The following CTNNA2 variants were observed in gnomAD, a reference collection of about 807,000 sequenced individuals.
The protein encoded by CTNNA2 is catenin alpha-2.
Under a neutral mutation model 101.0 loss-of-function variants are expected in CTNNA2, and 42 were observed. The ratio of observed to expected loss-of-function variants is 0.42; its 90% CI spans 0.32 to 0.54. CTNNA2 has a LOEUF of 0.54. CTNNA2 is among the 20% of genes least tolerant of loss of function. The pLI, the probability that CTNNA2 is intolerant of heterozygous loss-of-function variation, is 0.14. For synonymous variants in CTNNA2, 450 were observed against 456.4 expected (o/e 0.99, Z 0.18); for missense variants, 871 against 1,223.1 (o/e 0.71, Z 4.29).
chr2:79,656,783 G>A (rs1681641008), intron 2 of CTNNA2, among the ~76,000 whole-genome samples: 1 of 151,814 alleles, frequency 6.6e-6, no homozygotes, highest in Non-Finnish European at 1.5e-5. Context: ...GTCACATTCT[G>A]TATTAAGAAG....
At chr2:80,088,389 T>C (rs1699578806) in intron 7 of CTNNA2, among the ~76,000 whole-genome samples, 1 of 152,050 alleles carries the variant, frequency 6.6e-6, no homozygotes, top group Non-Finnish European at 1.5e-5. Context: ...ACCTCACTGC[T>C]ACCCTTCCTG....
chr2:80,272,999 A>ATAAAGAT (rs1254640160), intron 7 of CTNNA2, among the ~76,000 whole-genome samples: 1 of 152,168 alleles, frequency 6.6e-6, no homozygotes, highest in African/African-American at 2.4e-5. Context: ...AAGGTGGTTT[A>ATAAAGAT]TAAAGATTAT....
chr2:79,857,409 C>G (rs1471289404), intron 3 of CTNNA2, among the ~76,000 whole-genome samples: 1 of 152,212 alleles, frequency 6.6e-6, no homozygotes, highest in African/African-American at 2.4e-5. Context: ...GAGCCTAGTA[C>G]AGAATCTGAC....
chr2:79,350,386 T>G (rs767344209), intron 3 of CTNNA2, among the ~76,000 whole-genome samples: 26 of 152,296 alleles, frequency 1.7e-4, no homozygotes, highest in Admixed American at 4.6e-4. Flanking sequence ...ACATGTGGAA[T>G]TTGATTTTCT....
chr2:80,290,948 C>T (rs1230686727), intron 7 of CTNNA2, among the ~76,000 whole-genome samples: 1 of 152,212 alleles, frequency 6.6e-6, no homozygotes, highest in East Asian at 1.9e-4. Flanking sequence ...CTCTAGCATT[C>T]CCTGCTAGTA....
chr2:79,336,078 A>G (rs974766527), intron 3 of CTNNA2, among the ~76,000 whole-genome samples: 8 of 152,350 alleles, frequency 5.3e-5, no homozygotes, highest in African/African-American at 1.9e-4. Flanking sequence ...TGAGCAAACT[A>G]TGCTTTTTCT....
intron 7 of CTNNA2, among the ~76,000 whole-genome samples, chr2:79,918,065 A>G (rs1360313355): frequency 6.6e-6 from 1 of 151,506 alleles, no homozygotes; most frequent in Non-Finnish European, 1.5e-5. Flanking sequence ...TGACAACTCC[A>G]GGAGCTCCCT....
intron 1 of CTNNA2, among the ~76,000 whole-genome samples, chr2:79,551,032 G>A (rs1364501754): frequency 6.6e-6 from 1 of 152,168 alleles, no homozygotes; most frequent in East Asian, 1.9e-4. Context: ...AATTATTACT[G>A]TAGGAAGTGA....
chr2:79,525,339 G>T (rs1456402433), intron 1 of CTNNA2, among the ~76,000 whole-genome samples: 8 of 151,940 alleles, frequency 5.3e-5, no homozygotes, highest in Non-Finnish European at 1.5e-5. Context: ...CACGAAAATG[G>T]TTATTTTGAA....
At chr2:79,235,376 G>C (rs1028038253) in intron 2 of CTNNA2, among the ~76,000 whole-genome samples, 1 of 152,154 alleles carries the variant, frequency 6.6e-6, no homozygotes, top group African/African-American at 2.4e-5. Flanking sequence ...TTACTCTGCT[G>C]CATGGCTCTT....
intron 3 of CTNNA2, among the ~76,000 whole-genome samples, chr2:79,813,063 C>T (rs572212139): frequency 1.7e-4 from 26 of 152,230 alleles, no homozygotes; most frequent in African/African-American, 5.8e-4. Flanking sequence ...TGACAGTTTT[C>T]CCATAGATGA....
At chr2:80,440,309 G>A (rs1353959825) in intron 9 of CTNNA2, among the ~76,000 whole-genome samples, 4 of 152,084 alleles carry the variant, frequency 2.6e-5, no homozygotes, top group East Asian at 1.9e-4. Context: ...CATTGGCCTG[G>A]ACTTCTAAAA....
rs1327660877 is a variant in CTNNA2 at position 80,178,466 on chromosome 2, G to A, written c.1057-214745G>A. Among the ~76,000 whole-genome samples the A allele has an allele frequency of 4.6e-5, 7 of 152,306 alleles. No individual in the cohort carries two copies. The East Asian group carries it at 1.2e-3, about 25-fold the overall frequency. On this transcript the variant is annotated intron_variant, in intron 7 of 18. Coordinates refer to ENST00000402739, the MANE Select transcript of CTNNA2 (RefSeq NM_001282597.3). ...TTCCAAAATCCTAGAGGCCTCTGCT[G>A]TGATTCACCTATGGGGGCCTGCCAA...
intron 7 of CTNNA2, among the ~76,000 whole-genome samples, chr2:80,010,590 C>T (rs1693709501): frequency 6.6e-6 from 1 of 152,080 alleles, no homozygotes; most frequent in African/African-American, 2.4e-5. Flanking sequence ...AGGTGTGAGC[C>T]ATGTGCCCAG....
At chr2:80,171,719 A>G (rs1341923360) in intron 7 of CTNNA2, among the ~76,000 whole-genome samples, 1 of 152,172 alleles carries the variant, frequency 6.6e-6, no homozygotes, top group East Asian at 1.9e-4. Context: ...TGATGCTGAA[A>G]TTGCACACAT....
chr2:79,406,638 G>A (rs967891518), intron 4 of CTNNA2, among the ~76,000 whole-genome samples: 1 of 151,948 alleles, frequency 6.6e-6, no homozygotes, highest in East Asian at 1.9e-4. Context: ...AGGAGTTAAA[G>A]GTGCTTATCC....
chr2:79,701,084 G>C (rs1684971313), intron 2 of CTNNA2, among the ~76,000 whole-genome samples: 1 of 152,120 alleles, frequency 6.6e-6, no homozygotes, highest in Non-Finnish European at 1.5e-5. Flanking sequence ...TGAGAATAGA[G>C]TCCTTTTTGG....
At chr2:79,361,092 T>A (rs1265710504) in intron 3 of CTNNA2, among the ~76,000 whole-genome samples, 1 of 152,200 alleles carries the variant, frequency 6.6e-6, no homozygotes, top group Non-Finnish European at 1.5e-5. Flanking sequence ...TCTGCTTAAC[T>A]ATTATTACTT....
chr2:80,306,384 C>A (rs1022261350), intron 7 of CTNNA2, among the ~76,000 whole-genome samples: 10 of 132,478 alleles, frequency 7.5e-5, no homozygotes, highest in Admixed American at 2.9e-4. Context: ...TCTTTCTTTT[C>A]TTTTCTTTTC....
Sources: allele counts gnomAD v4.1 joint callset (sites outside exome capture counted in the v4.1 genomes callset), GRCh38; gene constraint gnomAD v4.1.1; transcripts MANE v1.5; gene names NCBI Gene and HGNC (gene_info 2026-07-23, HGNC 2026-07-21).